Variants in JAGN1 observed in about 807,000 individuals in gnomAD.
JAGN1 encodes the protein jagunal vesicle mediated transporter 1.
In JAGN1, 13 loss-of-function variants were observed where a neutral mutation model predicts 17.1. The observed-to-expected ratio is 0.76, with a 90% CI of 0.49 to 1.21. The LOEUF (loss-of-function observed/expected upper bound fraction) is 1.21, where lower values mean the gene tolerates loss of function less well. Ranked by LOEUF, JAGN1 falls within the 50% of genes most tolerant of loss-of-function variation. The probability of loss-of-function intolerance (pLI) is 0.00; values close to 1 mark genes in which losing one functional copy is unlikely to be tolerated. For missense variants in JAGN1, 256 were observed against 234.2 expected, an observed-to-expected ratio of 1.09 and a Z score of -0.61; for synonymous variants, 111 against 91.0, an observed-to-expected ratio of 1.22 and a Z score of -1.25.
intron 1 of JAGN1, 82 bp from the exon 2 acceptor site, chr3:9,892,833 C>A: frequency 1.2e-6 from 1 of 831,952 alleles, no homozygotes; most frequent in Non-Finnish European, 1.9e-6. Flanking sequence ...ATTTGTATCC[C>A]AGTGTCCAGT....
Position 9,890,690 on chromosome 3 carries a change from G to A in JAGN1, c.-33G>A, listed in dbSNP as rs71314370. 6.3e-7 allele frequency: 1 copy of A among 1,583,604 alleles called. No homozygotes were observed. Among genetic ancestry groups the A allele is most frequent in the Non-Finnish European group, 8.6e-7 (1 of 1,163,788 alleles). ...GCGGTGTCGTTGCGGTACCAGGTCC[G>A]CGTGAGGGGTTCGGGGGTTCTGGGC... On this transcript the variant is annotated 5_prime_UTR_variant, in exon 1 of 2. Coordinates refer to ENST00000647897, the MANE Select transcript of JAGN1 (RefSeq NM_032492.4).
At chr3:9,892,459 G>A (rs2082569400) in intron 1 of JAGN1, among the ~76,000 whole-genome samples, 1 of 14,402 alleles carries the variant, frequency 6.9e-5, no homozygotes, top group Non-Finnish European at 1.6e-4. Flanking sequence ...AGAGTTGTGA[G>A]CCCAGCCTCT....
intron 1 of JAGN1, 103 bp from the exon 2 acceptor site, chr3:9,892,812 G>A: frequency 1.4e-6 from 1 of 718,962 alleles, no homozygotes; most frequent in Non-Finnish European, 2.3e-6. Flanking sequence ...CTTCTAGGCT[G>A]TTTTATTCAA....
chr3:9,893,125 G>C lies in JAGN1; in HGVS notation c.300G>C (p.Leu100=). The change falls in exon 2 of 2, where the codon CTG becomes CTC. Residue 100 remains leucine (L), a synonymous_variant. Coordinates refer to ENST00000647897, the MANE Select transcript of JAGN1 (RefSeq NM_032492.4). ...TTCCCCGCAACAACATTAGCTACCTGGTGCTCTCCATGATCAGCATGGGAC... is the reference window on the plus strand; with the variant it reads ...TTCCCCGCAACAACATTAGCTACCTCGTGCTCTCCATGATCAGCATGGGAC... The part of the protein sequence containing the change: ...LSFPRNNISY[L]VLSMISMGLF... 6.2e-7 allele frequency: 1 copy of C among 1,614,158 alleles called. No individual in the cohort carries two copies. Among genetic ancestry groups the C allele is most frequent in the Non-Finnish European group, 8.5e-7 (1 of 1,180,034 alleles).
At position 9,892,883 on chromosome 3, in the gene JAGN1, A is replaced by C. The variant is rs1375367112; in HGVS notation, c.90-32A>C. 2.0e-6 allele frequency: 3 copies of C among 1,490,746 alleles called. No homozygotes were observed. The African/African-American group carries it at 4.2e-5, about 21-fold the overall frequency. The allele number at this position is 1,490,746 out of a possible 1,614,324, so 92.3% of individuals were successfully genotyped here. A position where few individuals can be genotyped will look rare whatever the true frequency, so the allele number is the denominator to read the frequency against. ...TATAGTTGGTGGTAAGAAAAATTTG[A>C]AAGATACTTCTCCCTCTGCTCTGCC... On this transcript the variant is annotated intron_variant, in intron 1 of 1. Coordinates refer to ENST00000647897, the MANE Select transcript of JAGN1 (RefSeq NM_032492.4).
At chr3:9,892,164 C>T (rs1262114498) in intron 1 of JAGN1, among the ~76,000 whole-genome samples, 3 of 151,978 alleles carry the variant, frequency 2.0e-5, no homozygotes, top group Non-Finnish European at 4.4e-5. Flanking sequence ...TACAGGCGCC[C>T]GCCACCACGT....
chr3:9,891,474 A>G (rs372707331), intron 1 of JAGN1, among the ~76,000 whole-genome samples: 11 of 152,032 alleles, frequency 7.2e-5, no homozygotes, highest in African/African-American at 2.4e-4. Flanking sequence ...TTATACCTTC[A>G]ATAAACAATT....
rs1177299297 is a variant in JAGN1, at chr3:9,893,591, A to G, written c.*214A>G. 3 of 540,178 alleles carry G rather than the reference A, an allele frequency of 5.6e-6. No homozygotes were observed. The highest frequency in any genetic ancestry group is 9.8e-6 in the Non-Finnish European group (3 of 306,880). The allele number at this position is 540,178 out of a possible 1,614,324, so 33.5% of individuals were successfully genotyped here. ...GAACTGGGTGACCAACAGCTATGAA[A>G]CAAATTTCAGCTGTTTGAAGTTGAA... On this transcript the variant is annotated 3_prime_UTR_variant, in exon 2 of 2. Transcript: ENST00000647897.
chr3:9,892,997 G>A lies in JAGN1; in HGVS notation c.172G>A (p.Gly58Arg), dbSNP rs919986813. The change falls in exon 2 of 2, where the codon GGA (glycine) becomes AGA (arginine). Residue 58 changes from glycine to arginine, a missense_variant. By Grantham distance (125) the Gly-to-Arg change is moderately radical (BLOSUM62 -2). Transcript: ENST00000647897. ...GCTGCTGGTTGCTAAGATGAGCGTG[G>A]GACACCTGAGGCTCTTGTCACATGA... is the stretch of plus-strand genomic sequence containing the variant. ...WLLLVAKMSV[G>R]HLRLLSHDQV... 7 of 1,614,018 alleles carry A rather than the reference G, an allele frequency of 4.3e-6. No individual in the cohort carries two copies. In the African/African-American group the frequency reaches 8.0e-5, roughly 18 times the overall value.
rs1402963940 is a variant in JAGN1 at position 9,893,473 on chromosome 3, G to A, written c.*96G>A. The A allele has an allele frequency of 1.9e-6, 2 of 1,031,748 alleles. No homozygotes were observed. Among genetic ancestry groups the A allele is most frequent in the East Asian group, 2.6e-5 (1 of 38,418 alleles). 63.9% of individuals were successfully genotyped at this position (1,031,748 alleles called of 1,614,324 possible). A position where few individuals can be genotyped will look rare whatever the true frequency, so the allele number is the denominator to read the frequency against. ...TTCTGGTGATTTTAGCAGCTGTGAT[G>A]TTGGTACCTGGTGCAGACCAGGCCA... On this transcript the variant is annotated 3_prime_UTR_variant, in exon 2 of 2. Transcript: ENST00000647897.
chr3:9,890,617 C>T lies in JAGN1; in HGVS notation c.-106C>T. The T allele has an allele frequency of 2.8e-6, 3 of 1,065,630 alleles. No homozygotes were observed. The highest frequency in any genetic ancestry group is 4.1e-6 in the Non-Finnish European group (3 of 734,634). The allele number at this position is 1,065,630 out of a possible 1,614,324, so 66.0% of individuals were successfully genotyped here. ...ACAGAGGGGCCGGAAGTTCTCTTCA[C>T]GGAGCCGCGCGGCTGCGGGGGCGCA... On this transcript the variant is annotated 5_prime_UTR_variant, in exon 1 of 2. It adds an upstream start codon to the 5' untranslated region. Transcript: ENST00000647897.
chr3:9,894,103 C>G lies in JAGN1; in HGVS notation c.*726C>G, dbSNP rs2082581314. On this transcript the variant is annotated 3_prime_UTR_variant, in exon 2 of 2. Coordinates refer to ENST00000647897, the MANE Select transcript of JAGN1 (RefSeq NM_032492.4). ...TCATTTATCTACCTTAGGTTATGGG[C>G]TCTTCTTTTAGTTGGATATTCACAT... is the stretch of plus-strand genomic sequence containing the variant. 1 of 152,202 alleles carries G rather than the reference C, an allele frequency of 6.6e-6. No individual in the cohort carries two copies. The highest frequency in any genetic ancestry group is 6.5e-5 in the Admixed American group (1 of 15,270). 9.4% of individuals were successfully genotyped at this position (152,202 alleles called of 1,614,324 possible).
chr3:9,892,153 C>T (rs279556), intron 1 of JAGN1, among the ~76,000 whole-genome samples: 1 of 151,694 alleles, frequency 6.6e-6, no homozygotes, highest in Non-Finnish European at 1.5e-5. Context: ...GTAGCTGGGA[C>T]TACAGGCGCC....
chr3:9,892,781 T>A, intron 1 of JAGN1, 134 bp from the exon 2 acceptor site: 1 of 616,370 alleles, frequency 1.6e-6, no homozygotes, highest in Non-Finnish European at 2.9e-6. Context: ...TACTTTTTCC[T>A]CCTCTGTTCT....
Position 9,893,530 on chromosome 3 carries a change from G to C in JAGN1, c.*153G>C. The C allele has an allele frequency of 1.6e-6, 1 of 626,800 alleles. No individual in the cohort carries two copies. Among genetic ancestry groups the C allele is most frequent in the Non-Finnish European group, 2.7e-6 (1 of 369,794 alleles). 38.8% of individuals were successfully genotyped at this position (626,800 alleles called of 1,614,324 possible). A position where few individuals can be genotyped will look rare whatever the true frequency, so the allele number is the denominator to read the frequency against. ...TGGAAAGCTCCTTTTGCCATCTGCT[G>C]AGGTGGCAAAACTATAATTTATTCC... On this transcript the variant is annotated 3_prime_UTR_variant, in exon 2 of 2. Coordinates refer to ENST00000647897, the MANE Select transcript of JAGN1 (RefSeq NM_032492.4).
Position 9,893,395 on chromosome 3 carries a change from G to A in JAGN1, c.*18G>A, listed in dbSNP as rs1418372900. 1 of 1,566,106 alleles carries A rather than the reference G, an allele frequency of 6.4e-7. No individual in the cohort carries two copies. Among genetic ancestry groups the A allele is most frequent in the East Asian group, 2.2e-5 (1 of 44,464 alleles). On this transcript the variant is annotated 3_prime_UTR_variant, in exon 2 of 2. Coordinates refer to ENST00000647897, the MANE Select transcript of JAGN1 (RefSeq NM_032492.4). ...ATAAATGAAGCCTCTTTGGGGTGAA[G>A]CCTGGACATCCCATCGAATGAAAGG...
At chr3:9,892,749 C>T (rs746766942) in intron 1 of JAGN1, 166 bp from the exon 2 acceptor site, 9 of 597,914 alleles carry the variant, frequency 1.5e-5, no homozygotes, top group Non-Finnish European at 2.7e-5. Flanking sequence ...TTTACTAGAA[C>T]TTTTTCACTT....
rs1418355893 is a variant in JAGN1 at position 9,890,726 on chromosome 3, G to C, written c.4G>C (p.Ala2Pro). ...TCGGGGGTTCTGGGCAGGCACAATG[G>C]CGTCTCGAGCAGGCCCGCGAGCGGC... M[A>P]SRAGPRAAGT... The change falls in exon 1 of 2, where the codon GCG becomes CCG. Residue 2 changes from alanine (A) to proline (P), a missense_variant. Physicochemically the swap from Ala to Pro is conservative, Grantham distance 27. Transcript: ENST00000647897. The C allele has an allele frequency of 1.9e-6, 3 of 1,607,666 alleles. No individual in the cohort carries two copies. The highest frequency in any genetic ancestry group is 1.3e-5 in the African/African-American group (1 of 74,884).
chr3:9,890,814 A>G lies in JAGN1; in HGVS notation c.89+3A>G, dbSNP rs775648445. 4.4e-6 allele frequency: 7 copies of G among 1,600,442 alleles called. No individual in the cohort carries two copies. Among genetic ancestry groups the G allele is most frequent in the South Asian group, 1.1e-5 (1 of 88,544 alleles). On this transcript the variant is annotated splice_donor_region_variant and intron_variant, in intron 1 of 1. Transcript: ENST00000647897. Reference sequence around the variant, plus strand: ...GTCGCCATGCACTACCAGATGAGGTATGAAGTGAGGCGAGGAGCACGGAGG... The same window carrying G: ...GTCGCCATGCACTACCAGATGAGGTGTGAAGTGAGGCGAGGAGCACGGAGG...
Sources: gnomAD v4.1 joint callset for allele counts (sites outside exome capture counted in the v4.1 genomes callset) on GRCh38, gnomAD v4.1.1 for gene constraint, MANE v1.5 for transcripts, NCBI Gene and HGNC (gene_info 2026-07-23, HGNC 2026-07-21) for gene names.